SH3PXD2B: variants seen among roughly 807,000 people sequenced by gnomAD.
The protein encoded by SH3PXD2B is SH3 and PX domain-containing protein 2B.
Under a neutral mutation model 73.1 loss-of-function variants are expected in SH3PXD2B, and 37 were observed. That is an observed-to-expected ratio of 0.51 (90% CI 0.39 to 0.67). The LOEUF is 0.67. Ranked by LOEUF, SH3PXD2B falls within the 30% of genes least tolerant of loss-of-function variation. SH3PXD2B has a pLI of 0.00. For missense variants in SH3PXD2B, 1,053 were observed against 1,197.8 expected, an observed-to-expected ratio of 0.88 and a Z score of 1.78; for synonymous variants, 457 against 480.5, an observed-to-expected ratio of 0.95 and a Z score of 0.64.
At chr5:172,442,650 G>A (rs551631775) in intron 1 of SH3PXD2B, among the ~76,000 whole-genome samples, 30 of 152,240 alleles carry the variant, frequency 2.0e-4, no homozygotes, top group African/African-American at 6.7e-4. Context: ...CAGATGGCCC[G>A]TGTCACATCA....
rs181282788 is a variant in SH3PXD2B, at chr5:172,362,956, G to A, written c.428-87C>T. ...GAGCAGTAGGGCGGGTCAAGAGGAC[G>A]TTCCAAATAAAAAAGCAGCAGTTAC... On this transcript the variant is annotated intron_variant, in intron 6 of 12. Transcript: ENST00000311601. 1,706 of 1,557,322 alleles carry A rather than the reference G, an allele frequency of 1.1e-3. 1 individual carries two copies. Among genetic ancestry groups the A allele is most frequent in the Non-Finnish European group, 1.4e-3 (1,563 of 1,136,384 alleles).
Position 172,362,855 on chromosome 5 carries a change from AGGTTT to A in SH3PXD2B, c.437_441del (p.Gln146LeufsTer39). On this transcript the variant is annotated frameshift_variant, in exon 7 of 13. Transcript: ENST00000311601. LOFTEE classifies it high-confidence loss of function. Reference sequence around the variant, plus strand: ...TGCTCCAGGACCATGGGGTCCACTGAGGTTTGGTCACCCCCTGTGGATAGGAAACA... The same window carrying A: ...TGCTCCAGGACCATGGGGTCCACTGAGGTCACCCCCTGTGGATAGGAAACA... The A allele has an allele frequency of 1.9e-6, 3 of 1,614,134 alleles. No homozygotes were observed. Among genetic ancestry groups the A allele is most frequent in the Non-Finnish European group, 2.5e-6 (3 of 1,180,020 alleles).
chr5:172,329,348 T>C (rs1305456458), downstream of SH3PXD2B, among the ~76,000 whole-genome samples: 1 of 150,840 alleles, frequency 6.6e-6, no homozygotes, highest in Non-Finnish European at 1.5e-5. Flanking sequence ...CCTCCCAAAG[T>C]ACTGGGATTA....
chr5:172,451,742 T>C (rs1759800342), intron 1 of SH3PXD2B, among the ~76,000 whole-genome samples: 1 of 152,236 alleles, frequency 6.6e-6, no homozygotes, highest in South Asian at 2.1e-4. Flanking sequence ...AATAGCTGCC[T>C]TCATGCCCGC....
downstream of SH3PXD2B, among the ~76,000 whole-genome samples, chr5:172,331,556 C>T (rs1433942545): frequency 2.0e-5 from 3 of 152,126 alleles, no homozygotes; most frequent in African/African-American, 7.2e-5. Flanking sequence ...GAGAAGCGTG[C>T]CCCCGTGATG....
At chr5:172,349,628 G>C (rs1757114199) in intron 10 of SH3PXD2B, among the ~76,000 whole-genome samples, 1 of 152,160 alleles carries the variant, frequency 6.6e-6, no homozygotes, top group African/African-American at 2.4e-5. Context: ...CCCCGCCCCT[G>C]CCGTCTACTA....
chr5:172,358,525 G>A (rs1421549817), intron 8 of SH3PXD2B, among the ~76,000 whole-genome samples: 1 of 152,216 alleles, frequency 6.6e-6, no homozygotes, highest in African/African-American at 2.4e-5. Flanking sequence ...CCATGAAAGG[G>A]TTAGGGCTCG....
rs367728698 is a variant in SH3PXD2B, at chr5:172,347,294, C to A, written c.1051G>T (p.Asp351Tyr). ...KMRQRPPPRR[D>Y]MTIPRGLNLP... ...GAGGATCCACTTACAATGGTCATGTCCCGGCGAGGAGGGGGTCTCTGCCTC... is the reference window on the plus strand; with the variant it reads ...GAGGATCCACTTACAATGGTCATGTACCGGCGAGGAGGGGGTCTCTGCCTC... Residue 351 changes from aspartate to tyrosine, a missense_variant, in exon 11 of 13, where the codon GAC (aspartate) becomes TAC (tyrosine). Asp to Tyr is a radical substitution (Grantham distance 160, BLOSUM62 -3). This residue lies in a region of SH3PXD2B where 466 missense variants were observed against 607.1 expected (regional missense o/e 0.77). Transcript: ENST00000311601. The A allele has an allele frequency of 1.9e-6, 3 of 1,614,120 alleles. No individual in the cohort carries two copies. Among genetic ancestry groups the A allele is most frequent in the African/African-American group, 2.7e-5 (2 of 75,022 alleles).
chr5:172,403,813 G>A (rs1259551093), intron 3 of SH3PXD2B, among the ~76,000 whole-genome samples: 1 of 152,232 alleles, frequency 6.6e-6, no homozygotes, highest in East Asian at 1.9e-4. Context: ...GTGAAACCAA[G>A]AGATTCCAAA....
rs1232535843 is a variant in SH3PXD2B, at chr5:172,445,775, T to G, written c.75+8503A>C. ...GGGCTGCAGAAGCAGGCAGGTGAGC[T>G]CTGCCCACAGCCCCTCCTCCCTTTA... is the stretch of plus-strand genomic sequence containing the variant. On this transcript the variant is annotated intron_variant, in intron 1 of 12. Coordinates refer to ENST00000311601, the MANE Select transcript of SH3PXD2B (RefSeq NM_001017995.3). The surrounding 1 kb of genome is among the most constrained non-coding windows in gnomAD (Gnocchi z 5.2). Among the ~76,000 whole-genome samples, 1 of 152,200 alleles carries G rather than the reference T, an allele frequency of 6.6e-6. No individual in the cohort carries two copies. The highest frequency in any genetic ancestry group is 6.5e-5 in the Admixed American group (1 of 15,276).
At chr5:172,340,846 C>T (rs770875232) in intron 12 of SH3PXD2B, among the ~76,000 whole-genome samples, 3 of 152,186 alleles carry the variant, frequency 2.0e-5, no homozygotes, top group Non-Finnish European at 4.4e-5. Flanking sequence ...CTGCCTGCCT[C>T]GGCCTCCCAA....
intron 3 of SH3PXD2B, among the ~76,000 whole-genome samples, chr5:172,396,198 C>CAAAAA (rs571850981): frequency 1.3e-5 from 1 of 78,408 alleles, no homozygotes; most frequent in Non-Finnish European, 2.3e-5. Context: ...ACTAAAAATA[C>CAAAAA]AAAAAAAAAA....
chr5:172,363,306 C>T (rs953624041), intron 6 of SH3PXD2B, among the ~76,000 whole-genome samples: 2 of 152,294 alleles, frequency 1.3e-5, no homozygotes, highest in South Asian at 2.1e-4. Context: ...CATCTCATCA[C>T]CCATCCAAAA....
At chr5:172,407,931 C>T (rs565487661) in intron 2 of SH3PXD2B, among the ~76,000 whole-genome samples, 26 of 152,318 alleles carry the variant, frequency 1.7e-4, no homozygotes, top group African/African-American at 6.0e-4. Flanking sequence ...GACTGAAGAC[C>T]ACTTGCTTCT....
rs775645752 is a variant in SH3PXD2B at position 172,339,430 on chromosome 5, C to T, written c.1675G>A (p.Val559Met). The T allele has an allele frequency of 7.1e-5, 114 of 1,614,064 alleles. 1 individual carries two copies. The highest frequency in any genetic ancestry group is 6.0e-4 in the East Asian group (27 of 44,876). ...LRGPTPKPPG[V>M]ILPMMPAKHI... ...TTGGCTGGCATCATCGGCAAAATCA[C>T]GCCCGGAGGCTTGGGAGTGGGGCCC... Residue 559 changes from valine to methionine, a missense_variant, in exon 13 of 13, where the codon GTG becomes ATG. Transcript: ENST00000311601. This position sits in a 1 kb window ranked among gnomAD's most constrained non-coding sequence, Gnocchi z 6.1.
intron 1 of SH3PXD2B, among the ~76,000 whole-genome samples, chr5:172,442,299 T>C (rs1324636874): frequency 6.6e-6 from 1 of 152,204 alleles, no homozygotes; most frequent in African/African-American, 2.4e-5. Context: ...ATGCTTCTTC[T>C]CAGACCCTTT....
intron 1 of SH3PXD2B, among the ~76,000 whole-genome samples, chr5:172,424,306 G>A (rs1759044470): frequency 6.6e-6 from 1 of 151,616 alleles, no homozygotes; most frequent in African/African-American, 2.4e-5. Context: ...CCACCACAGT[G>A]TAACTGATGG....
intron 4 of SH3PXD2B, among the ~76,000 whole-genome samples, chr5:172,390,812 CTT>C (rs1405612765): frequency 0.017 from 2,158 of 123,504 alleles, 53 homozygotes; most frequent in African/African-American, 0.063. Context: ...AGCTTCCCGT[CTT>C]TTGTGTGTGT....
At chr5:172,419,327 C>T (rs1030387123) in intron 2 of SH3PXD2B, among the ~76,000 whole-genome samples, 11 of 151,618 alleles carry the variant, frequency 7.3e-5, no homozygotes, top group Non-Finnish European at 1.5e-4. Flanking sequence ...CCCCTTCCCA[C>T]TCCGCTTCTC....
Sources: allele counts gnomAD v4.1 joint callset (sites outside exome capture counted in the v4.1 genomes callset), GRCh38; gene constraint gnomAD v4.1.1; regional missense constraint gnomAD v4.1.1; non-coding constraint Gnocchi (gnomAD v3.1); transcripts MANE v1.5; gene names NCBI Gene and HGNC (gene_info 2026-07-23, HGNC 2026-07-21).